SH3PXD2B: variants seen among roughly 807,000 people sequenced by gnomAD.
SH3PXD2B encodes the protein SH3 and PX domains 2B.
In SH3PXD2B, 37 loss-of-function variants were observed where a neutral mutation model predicts 73.1. That is an observed-to-expected ratio of 0.51 (90% CI 0.39 to 0.67). The LOEUF (loss-of-function observed/expected upper bound fraction) is 0.67. Among genes scored for constraint, SH3PXD2B ranks in the 30% least tolerant of loss-of-function variants. The pLI is 0.00. For synonymous variants in SH3PXD2B, 457 were observed against 480.5 expected (o/e 0.95, Z 0.64); for missense variants, 1,053 against 1,197.8 (o/e 0.88, Z 1.78).
chr5:172,408,760 G>C (rs1485367962), intron 2 of SH3PXD2B, among the ~76,000 whole-genome samples: 1 of 151,894 alleles, frequency 6.6e-6, no homozygotes, highest in Non-Finnish European at 1.5e-5. Context: ...CTAACCTCAG[G>C]TGATCTGCCT....
intron 6 of SH3PXD2B, among the ~76,000 whole-genome samples, chr5:172,368,528 A>ATATATATATATAAAATATATATATAT (rs1757596431): frequency 3.9e-4 from 9 of 22,938 alleles, no homozygotes; most frequent in Non-Finnish European, 4.2e-4. Context: ...TATATATATT[A>ATATATATATATAAAATATATATATAT]TATATATATA....
intron 6 of SH3PXD2B, among the ~76,000 whole-genome samples, chr5:172,373,133 C>T (rs949908102): frequency 6.6e-6 from 1 of 152,162 alleles, no homozygotes; most frequent in Non-Finnish European, 1.5e-5. Flanking sequence ...GCAATAGGGA[C>T]GGGAGTCGCT....
At chr5:172,376,174 C>A (rs558935933) in intron 5 of SH3PXD2B, among the ~76,000 whole-genome samples, 1 of 151,922 alleles carries the variant, frequency 6.6e-6, no homozygotes, top group Non-Finnish European at 1.5e-5. Flanking sequence ...GGATTATAGA[C>A]GCCCACCACC....
intron 1 of SH3PXD2B, among the ~76,000 whole-genome samples, chr5:172,423,262 C>T (rs747186020): frequency 2.7e-4 from 41 of 152,208 alleles, no homozygotes; most frequent in Non-Finnish European, 4.4e-4. Flanking sequence ...GCTAAGGGAT[C>T]AGCATACCTG....
At position 172,339,671 on chromosome 5, in the gene SH3PXD2B, C is replaced by T. The variant is rs748257187; in HGVS notation, c.1434G>A (p.Met478Ile). The T allele has an allele frequency of 3.7e-6, 6 of 1,614,116 alleles. No individual in the cohort carries two copies. The highest frequency in any genetic ancestry group is 1.3e-5 in the African/African-American group (1 of 74,948). The change falls in exon 13 of 13, where the codon ATG (methionine) becomes ATA (isoleucine). Residue 478 changes from methionine (M) to isoleucine (I), a missense_variant. Transcript: ENST00000311601. The surrounding 1 kb of genome is among the most constrained non-coding windows in gnomAD (Gnocchi z 6.1). ...CTTTAGACCATGGCAACCCCGAGTCCATGACACCATGCGGTGCGTCAGGCA... is the reference window on the plus strand; with the variant it reads ...CTTTAGACCATGGCAACCCCGAGTCTATGACACCATGCGGTGCGTCAGGCA... Reference protein sequence around the residue: ...RPLPDAPHGVMDSGLPWSKDW... With the variant: ...RPLPDAPHGVIDSGLPWSKDW...
At chr5:172,449,128 G>A (rs1759739284) in intron 1 of SH3PXD2B, among the ~76,000 whole-genome samples, 1 of 152,190 alleles carries the variant, frequency 6.6e-6, no homozygotes, top group African/African-American at 2.4e-5. Flanking sequence ...GCAGTACAGA[G>A]CCTGCAGAGC....
chr5:172,394,094 C>G (rs1224838029), intron 4 of SH3PXD2B, among the ~76,000 whole-genome samples: 1 of 152,080 alleles, frequency 6.6e-6, no homozygotes. Context: ...CAGGTGTGTC[C>G]CACCACACCT....
At chr5:172,357,058 G>A (rs139991267) in intron 8 of SH3PXD2B, among the ~76,000 whole-genome samples, 129 of 145,216 alleles carry the variant, frequency 8.9e-4, no homozygotes, top group Middle Eastern at 3.7e-3. Context: ...ATTCAAGGCT[G>A]CAGTGAGCCG....
chr5:172,335,792 G>A lies in SH3PXD2B; in HGVS notation c.*2577C>T. 13 of 1,230,192 alleles carry A rather than the reference G, an allele frequency of 1.1e-5. No homozygotes were observed. Among genetic ancestry groups the A allele is most frequent in the Non-Finnish European group, 1.2e-5 (12 of 987,548 alleles). 76.2% of individuals were successfully genotyped at this position (1,230,192 alleles called of 1,614,324 possible). ...CCACCCTGACCCACCCACTGCCTGG[G>A]GAAGTGTCTACCATTGTAGGAAAAG... On this transcript the variant is annotated 3_prime_UTR_variant, in exon 13 of 13. Transcript: ENST00000311601.
At chr5:172,423,130 C>A (rs79271801) in intron 1 of SH3PXD2B, among the ~76,000 whole-genome samples, 5 of 152,116 alleles carry the variant, frequency 3.3e-5, no homozygotes, top group Non-Finnish European at 7.4e-5. Context: ...TCACACGTCA[C>A]GGCACGCACA....
At chr5:172,344,987 G>GA (rs1756957910) in intron 12 of SH3PXD2B, among the ~76,000 whole-genome samples, 1 of 148,556 alleles carries the variant, frequency 6.7e-6, no homozygotes, top group African/African-American at 2.6e-5. Context: ...AAGAAAGAAG[G>GA]AGGAAGGAGG....
At position 172,355,568 on chromosome 5, in the gene SH3PXD2B, G is replaced by A. The variant is rs868665403; in HGVS notation, c.668-1563C>T. 1.5e-4 allele frequency among the ~76,000 whole-genome samples: 22 copies of A among 150,050 alleles called. 1 individual carries two copies. The highest frequency in any genetic ancestry group is 2.5e-4 in the African/African-American group (10 of 40,778). On this transcript the variant is annotated intron_variant, in intron 8 of 12. Coordinates refer to ENST00000311601, the MANE Select transcript of SH3PXD2B (RefSeq NM_001017995.3). ...CTTTTCTTTTTTTTTTTTTTTAGACGGATTCTCGCTCTGTCGCCCAGGCTG... is the reference window on the plus strand; with the variant it reads ...CTTTTCTTTTTTTTTTTTTTTAGACAGATTCTCGCTCTGTCGCCCAGGCTG...
At chr5:172,431,689 T>TGC (rs1225210539) in intron 1 of SH3PXD2B, among the ~76,000 whole-genome samples, 1 of 143,636 alleles carries the variant, frequency 7.0e-6, no homozygotes, top group African/African-American at 2.9e-5. Flanking sequence ...AGACACCCAT[T>TGC]GCACACACAC....
chr5:172,378,943 G>A (rs1464069128), intron 5 of SH3PXD2B, among the ~76,000 whole-genome samples: 10 of 151,924 alleles, frequency 6.6e-5, no homozygotes, highest in Admixed American at 4.6e-4. Context: ...GGTGGCGGGC[G>A]CCTGTAGTCC....
In SH3PXD2B at chr5:172,335,054, C is replaced by T. The variant is rs904429681; in HGVS notation, c.*3315G>A. 1.7e-5 allele frequency: 17 copies of T among 985,328 alleles called. No homozygotes were observed. Among genetic ancestry groups the T allele is most frequent in the South Asian group, 4.7e-5 (1 of 21,282 alleles). The allele number at this position is 985,328 out of a possible 1,614,324, so 61.0% of individuals were successfully genotyped here. A position where few individuals can be genotyped will look rare whatever the true frequency, so the allele number is the denominator to read the frequency against. ...AGCTCTCCCGCAGTCTCAGCTGGGACGACATACACCCACCAATGGCAAAGA... is the reference window on the plus strand; with the variant it reads ...AGCTCTCCCGCAGTCTCAGCTGGGATGACATACACCCACCAATGGCAAAGA... On this transcript the variant is annotated 3_prime_UTR_variant, in exon 13 of 13. Coordinates refer to ENST00000311601, the MANE Select transcript of SH3PXD2B (RefSeq NM_001017995.3).
At chr5:172,402,488 T>C (rs1758439817) in intron 3 of SH3PXD2B, among the ~76,000 whole-genome samples, 1 of 152,216 alleles carries the variant, frequency 6.6e-6, no homozygotes, top group Non-Finnish European at 1.5e-5. Flanking sequence ...TGAAAATCAC[T>C]AATAAAAACT....
chr5:172,407,588 A>C (rs1024542184), intron 2 of SH3PXD2B, among the ~76,000 whole-genome samples: 2 of 152,256 alleles, frequency 1.3e-5, no homozygotes, highest in African/African-American at 4.8e-5. Context: ...TGAGGGAGAA[A>C]GTCCCAAGCC....
chr5:172,334,874 G>A lies in SH3PXD2B; in HGVS notation c.*3495C>T, dbSNP rs1004750197. On this transcript the variant is annotated 3_prime_UTR_variant, in exon 13 of 13. Transcript: ENST00000311601. ...CCACCTGGTAATGAAATCCTCAGTG[G>A]GCGCAAACATTTTAGGGCCAAGAAC... The A allele has an allele frequency of 1.0e-6, 1 of 985,360 alleles. No individual in the cohort carries two copies. The highest frequency in any genetic ancestry group is 5.2e-4 in the Middle Eastern group (1 of 1,914). 61.0% of individuals were successfully genotyped at this position (985,360 alleles called of 1,614,324 possible).
In SH3PXD2B at chr5:172,338,314, T is replaced by C. The variant is rs1380879067; in HGVS notation, c.*55A>G. On this transcript the variant is annotated 3_prime_UTR_variant, in exon 13 of 13. Transcript: ENST00000311601. This position sits in a 1 kb window ranked among gnomAD's most constrained non-coding sequence, Gnocchi z 5.1. ...ATGATAAATTAAGAGGCGTATTAAA[T>C]ACGTGGGTAAAGCCAGCAAGGACCA... The C allele has an allele frequency of 6.2e-7, 1 of 1,612,618 alleles. No homozygotes were observed. The highest frequency in any genetic ancestry group is 1.3e-5 in the African/African-American group (1 of 74,904).
Sources: allele counts gnomAD v4.1 joint callset (sites outside exome capture counted in the v4.1 genomes callset), GRCh38; gene constraint gnomAD v4.1.1; non-coding constraint Gnocchi (gnomAD v3.1); transcripts MANE v1.5; gene names NCBI Gene and HGNC (gene_info 2026-07-23, HGNC 2026-07-21).